Variants in SPATA17 observed in about 807,000 individuals in gnomAD.
SPATA17 encodes spermatogenesis associated 17.
Under a neutral mutation model 62.2 loss-of-function variants are expected in SPATA17, and 53 were observed. The observed-to-expected ratio is 0.85, with a 90% CI of 0.68 to 1.07. SPATA17 has a LOEUF of 1.07. SPATA17 is among the 50% of genes least tolerant of loss of function. The probability of loss-of-function intolerance (pLI) is 0.00; values close to 1 mark genes in which losing one functional copy is unlikely to be tolerated. For missense variants in SPATA17, 466 were observed against 425.5 expected, an observed-to-expected ratio of 1.10 and a Z score of -0.84; for synonymous variants, 146 against 146.8, an observed-to-expected ratio of 0.99 and a Z score of 0.04.
In SPATA17 at chr1:217,631,427, C is replaced by T; in HGVS notation, c.49C>T (p.Gln17Ter). Residue 17 changes from glutamine (Q) to a stop codon, truncating the protein, a stop_gained, in exon 1 of 11, where the codon CAG becomes TAG. Coordinates refer to ENST00000366933, the MANE Select transcript of SPATA17 (RefSeq NM_138796.4). LOFTEE classifies it high-confidence loss of function. ...AGCTAGGTCGTCGACTGTAGGAAAT[C>T]AGTACTACTTTAGGAACAGGTAAGT... ...LQARSSTVGN[Q>*]YYFRNSVVDP... 1 of 1,614,160 alleles carries T rather than the reference C, an allele frequency of 6.2e-7. No individual in the cohort carries two copies. Among genetic ancestry groups the T allele is most frequent in the South Asian group, 1.1e-5 (1 of 91,080 alleles).
intron 6 of SPATA17, among the ~76,000 whole-genome samples, chr1:217,752,305 G>A (rs1267212640): frequency 6.6e-6 from 1 of 152,112 alleles, no homozygotes; most frequent in Non-Finnish European, 1.5e-5. Flanking sequence ...TGAGATTACA[G>A]GCATGAGCCA....
At chr1:217,836,815 T>C (rs1259274754) in intron 9 of SPATA17, among the ~76,000 whole-genome samples, 1 of 152,150 alleles carries the variant, frequency 6.6e-6, no homozygotes, top group East Asian at 1.9e-4. Flanking sequence ...ATTTTGTTTT[T>C]AATGGTACAA....
intron 9 of SPATA17, 140 bp downstream of exon 9, chr1:217,801,990 T>A: frequency 1.1e-6 from 1 of 902,334 alleles, no homozygotes; most frequent in Non-Finnish European, 1.6e-6. Flanking sequence ...TAGGTAAAGA[T>A]GGTGCTGCTG....
chr1:217,835,715 G>A (rs1198555893), intron 9 of SPATA17, among the ~76,000 whole-genome samples: 1 of 151,898 alleles, frequency 6.6e-6, no homozygotes, highest in Non-Finnish European at 1.5e-5. Context: ...CAGGCTAGGA[G>A]CAGGAGAGGA....
At chr1:217,683,793 AT>A (rs1200374893) in intron 5 of SPATA17, among the ~76,000 whole-genome samples, 7 of 151,974 alleles carry the variant, frequency 4.6e-5, no homozygotes, top group African/African-American at 1.7e-4. Flanking sequence ...TTGATAAAAA[AT>A]ATATATATGA....
chr1:217,840,629 G>A (rs1396970159), intron 9 of SPATA17, among the ~76,000 whole-genome samples: 1 of 152,000 alleles, frequency 6.6e-6, no homozygotes, highest in Non-Finnish European at 1.5e-5. Flanking sequence ...AGGCTGAGGA[G>A]GGCAGATCGA....
At chr1:217,750,772 G>A (rs1037068790) in intron 6 of SPATA17, among the ~76,000 whole-genome samples, 3 of 152,196 alleles carry the variant, frequency 2.0e-5, no homozygotes, top group Admixed American at 6.5e-5. Context: ...GCCACTCGTC[G>A]GAATGTGCTA....
chr1:217,696,471 G>C (rs1187799424), intron 5 of SPATA17, among the ~76,000 whole-genome samples: 1 of 152,184 alleles, frequency 6.6e-6, no homozygotes, highest in South Asian at 2.1e-4. Flanking sequence ...CTCCGCTCAC[G>C]CTGGGAGCTG....
chr1:217,664,726 C>T (rs184787537), intron 3 of SPATA17, among the ~76,000 whole-genome samples: 8 of 151,992 alleles, frequency 5.3e-5, no homozygotes, highest in African/African-American at 1.9e-4. Flanking sequence ...GTTGAATAAC[C>T]TCAGATTAGA....
intron 3 of SPATA17, among the ~76,000 whole-genome samples, chr1:217,667,445 C>G (rs1400489842): frequency 2.0e-5 from 3 of 152,110 alleles, no homozygotes; most frequent in Admixed American, 2.0e-4. Context: ...TAGCTATGTC[C>G]TGAGCACCTT....
chr1:217,839,100 GC>G (rs1306671946), intron 9 of SPATA17, among the ~76,000 whole-genome samples: 1 of 151,942 alleles, frequency 6.6e-6, no homozygotes, highest in Non-Finnish European at 1.5e-5. Context: ...CTAATGTGAA[GC>G]CCACTACTCA....
At position 217,633,238 on chromosome 1, in the gene SPATA17, A is replaced by G. The variant is rs141794890; in HGVS notation, c.68+1792A>G. On this transcript the variant is annotated intron_variant, in intron 1 of 10. Transcript: ENST00000366933. ...TAAATAAATAAATAAATAAATAATA[A>G]CAACAATAGAGTAACATGGACAGAA... Among the ~76,000 whole-genome samples, 58 of 151,734 alleles carry G rather than the reference A, an allele frequency of 3.8e-4. No homozygotes were observed. The East Asian group carries it at 0.011, about 29-fold the overall frequency.
intron 8 of SPATA17, among the ~76,000 whole-genome samples, chr1:217,795,221 T>C (rs1051259057): frequency 7.9e-5 from 12 of 152,274 alleles, no homozygotes; most frequent in Non-Finnish European, 1.0e-4. Context: ...TTATTTGATG[T>C]GACTATCAAA....
chr1:217,766,316 C>G (rs1197491185), intron 6 of SPATA17, among the ~76,000 whole-genome samples: 2 of 151,880 alleles, frequency 1.3e-5, no homozygotes, highest in African/African-American at 4.8e-5. Flanking sequence ...GATTCCATTT[C>G]CTCTACTTTC....
rs1345350784 is a variant in SPATA17 at position 217,870,397 on chromosome 1, T to C, written c.*3378T>C. On this transcript the variant is annotated 3_prime_UTR_variant, in exon 11 of 11. Coordinates refer to ENST00000366933, the MANE Select transcript of SPATA17 (RefSeq NM_138796.4). ...GCCTCTCCCCCCAGACACACATAAG[T>C]TTATGATAACTACAGAGGTGTCCAG... 1.3e-5 allele frequency: 2 copies of C among 152,134 alleles called. No homozygotes were observed. Among genetic ancestry groups the C allele is most frequent in the African/African-American group, 2.4e-5 (1 of 41,442 alleles). The allele number at this position is 152,134 out of a possible 1,614,324, so 9.4% of individuals were successfully genotyped here.
At chr1:217,734,578 GTAAAAAGT>G (rs1672469103) in intron 5 of SPATA17, among the ~76,000 whole-genome samples, 1 of 152,168 alleles carries the variant, frequency 6.6e-6, no homozygotes, top group Non-Finnish European at 1.5e-5. Context: ...AATAAGGACA[GTAAAAAGT>G]TGTTTAAATC....
intron 6 of SPATA17, among the ~76,000 whole-genome samples, chr1:217,770,182 A>T (rs1298764673): frequency 6.6e-6 from 1 of 152,260 alleles, no homozygotes; most frequent in Admixed American, 6.5e-5. Context: ...TTTAAAACAT[A>T]GAACCCAAAC....
chr1:217,863,418 C>T (rs1460149325), intron 10 of SPATA17, among the ~76,000 whole-genome samples: 2 of 152,070 alleles, frequency 1.3e-5, no homozygotes. Flanking sequence ...GCGTGAGCCA[C>T]CATGCGCGGC....
At chr1:217,716,783 C>T (rs1358411473) in intron 5 of SPATA17, among the ~76,000 whole-genome samples, 1 of 152,154 alleles carries the variant, frequency 6.6e-6, no homozygotes, top group Non-Finnish European at 1.5e-5. Flanking sequence ...CAAATTTAGA[C>T]ATTGTAAACA....
Sources: gnomAD v4.1 joint callset for allele counts (sites outside exome capture counted in the v4.1 genomes callset) on GRCh38, gnomAD v4.1.1 for gene constraint, MANE v1.5 for transcripts, NCBI Gene and HGNC (gene_info 2026-07-23, HGNC 2026-07-21) for gene names.